The following DACH1 variants were observed in gnomAD, a reference collection of about 807,000 sequenced individuals.
DACH1 encodes dachshund family transcription factor 1.
DACH1 carries 12 observed loss-of-function variants against 54.2 expected under a neutral mutation model. The observed-to-expected ratio is 0.22, with a 90% CI of 0.14 to 0.36. The LOEUF (loss-of-function observed/expected upper bound fraction) is 0.36. Among genes scored for constraint, DACH1 ranks in the 10% least tolerant of loss-of-function variants. DACH1 has a pLI of 1.00. For missense variants in DACH1, 805 were observed against 929.8 expected, an observed-to-expected ratio of 0.87 and a Z score of 1.75; for synonymous variants, 386 against 366.2, an observed-to-expected ratio of 1.05 and a Z score of -0.62.
chr13:71,601,022 G>A lies in DACH1; in HGVS notation c.1127-28010C>T, dbSNP rs184128683. ...CTTTCAATTCAGGTTCCATAATTCC[G>A]GAAAAAAAAATGCCACTTAAATATT... On this transcript the variant is annotated intron_variant, in intron 3 of 10. Transcript: ENST00000613252. 1.1e-4 allele frequency among the ~76,000 whole-genome samples: 17 copies of A among 149,524 alleles called. No individual in the cohort carries two copies. In the East Asian group the frequency reaches 1.8e-3, roughly 16 times the overall value.
chr13:71,572,754 G>A, intron 4 of DACH1, 86 bp downstream of exon 4: 1 of 1,395,998 alleles, frequency 7.2e-7, no homozygotes, highest in Non-Finnish European at 9.7e-7. Flanking sequence ...TTAGAGTTCA[G>A]ATGTACTTAT....
At chr13:71,613,874 G>A (rs886996490) in intron 3 of DACH1, among the ~76,000 whole-genome samples, 1 of 151,374 alleles carries the variant, frequency 6.6e-6, no homozygotes, top group Non-Finnish European at 1.5e-5. Flanking sequence ...ACCATGCCCA[G>A]CTAATTTTTG....
chr13:71,525,858 T>A (rs943263088), intron 6 of DACH1, among the ~76,000 whole-genome samples: 1 of 152,116 alleles, frequency 6.6e-6, no homozygotes, highest in Non-Finnish European at 1.5e-5. Context: ...TTATGAGATA[T>A]CACCATCAAG....
chr13:71,784,870 A>G (rs1886526695), intron 1 of DACH1, among the ~76,000 whole-genome samples: 3 of 152,186 alleles, frequency 2.0e-5, no homozygotes, highest in Admixed American at 1.3e-4. Flanking sequence ...TTGCTGAATT[A>G]TCTAGATCTG....
chr13:71,733,067 TA>T (rs969474755), intron 1 of DACH1, among the ~76,000 whole-genome samples: 7 of 151,096 alleles, frequency 4.6e-5, no homozygotes, highest in African/African-American at 1.2e-4. Flanking sequence ...GCAAGGTCCT[TA>T]AAAAAAAATG....
At chr13:71,648,558 A>G (rs912030042) in intron 2 of DACH1, among the ~76,000 whole-genome samples, 7 of 152,182 alleles carry the variant, frequency 4.6e-5, no homozygotes, top group Non-Finnish European at 1.0e-4. Flanking sequence ...AAGTTTAAAA[A>G]TTGTGAGCAA....
At chr13:71,706,928 C>T (rs909641525) in intron 1 of DACH1, among the ~76,000 whole-genome samples, 25 of 152,236 alleles carry the variant, frequency 1.6e-4, no homozygotes, top group South Asian at 4.1e-4. Flanking sequence ...TATTGATAAA[C>T]TATGATTTTC....
chr13:71,756,748 A>C (rs1885177643), intron 1 of DACH1, among the ~76,000 whole-genome samples: 2 of 152,172 alleles, frequency 1.3e-5, no homozygotes, highest in Admixed American at 1.3e-4. Context: ...TTTAGAAGCA[A>C]AATATATTTA....
At chr13:71,734,884 CGTATATCCCATATACATATAT>C (rs371016793) in intron 1 of DACH1, among the ~76,000 whole-genome samples, 2,625 of 146,094 alleles carry the variant, frequency 0.018, 83 homozygotes, top group African/African-American at 0.053. Context: ...TATACATATA[CGTATATCCCATATACATATAT>C]GTATATCCCA....
At chr13:71,443,855 G>C (rs1363947989) in intron 10 of DACH1, among the ~76,000 whole-genome samples, 1 of 152,054 alleles carries the variant, frequency 6.6e-6, no homozygotes, top group Admixed American at 6.6e-5. Flanking sequence ...TAGTATCAAG[G>C]CCATATAATT....
chr13:71,669,157 T>A (rs1167779559), intron 2 of DACH1, among the ~76,000 whole-genome samples: 1 of 152,132 alleles, frequency 6.6e-6, no homozygotes, highest in Non-Finnish European at 1.5e-5. Context: ...TGTGATCACA[T>A]TAGCTCAGGG....
At chr13:71,559,639 G>A (rs1191848131) in intron 5 of DACH1, among the ~76,000 whole-genome samples, 181 bp downstream of exon 5, 2 of 152,130 alleles carry the variant, frequency 1.3e-5, no homozygotes, top group Admixed American at 1.3e-4. Context: ...ACCTGTTAAT[G>A]TAGTATCATA....
At chr13:71,711,404 G>A (rs1244835599) in intron 1 of DACH1, among the ~76,000 whole-genome samples, 2 of 152,068 alleles carry the variant, frequency 1.3e-5, no homozygotes, top group Non-Finnish European at 1.5e-5. Flanking sequence ...GAATAGTTGA[G>A]GTAAGTCCTG....
intron 1 of DACH1, among the ~76,000 whole-genome samples, chr13:71,765,564 G>A (rs1287151985): frequency 2.6e-5 from 4 of 152,028 alleles, no homozygotes; most frequent in Admixed American, 6.6e-5. Context: ...TTCTTTTCAA[G>A]ATAAAAATCT....
intron 6 of DACH1, among the ~76,000 whole-genome samples, chr13:71,497,262 T>A (rs1053645624): frequency 6.6e-6 from 1 of 152,112 alleles, no homozygotes; most frequent in Admixed American, 6.5e-5. Context: ...ATTTTATAAA[T>A]TTCATTTTGG....
chr13:71,700,601 AG>A (rs1882084286), intron 1 of DACH1, among the ~76,000 whole-genome samples: 1 of 149,534 alleles, frequency 6.7e-6, no homozygotes, highest in Non-Finnish European at 1.5e-5. Flanking sequence ...AGAGAGAGAG[AG>A]AGAGCAAGCT....
chr13:71,562,981 T>C (rs1311328463), intron 4 of DACH1, among the ~76,000 whole-genome samples: 1 of 152,032 alleles, frequency 6.6e-6, no homozygotes, highest in East Asian at 1.9e-4. Flanking sequence ...TATAAATATA[T>C]CAAGAAACAA....
intron 5 of DACH1, among the ~76,000 whole-genome samples, chr13:71,558,251 G>A (rs931536694): frequency 3.3e-5 from 5 of 151,868 alleles, no homozygotes; most frequent in Admixed American, 2.6e-4. Context: ...AAATCAGGAT[G>A]ACAAACACAT....
chr13:71,829,466 T>C (rs1412915679), intron 1 of DACH1, among the ~76,000 whole-genome samples: 1 of 152,000 alleles, frequency 6.6e-6, no homozygotes, highest in Non-Finnish European at 1.5e-5. Context: ...GTACTGGGAA[T>C]AAAAATTCAA....
Sources: gnomAD v4.1 joint callset for allele counts (sites outside exome capture counted in the v4.1 genomes callset) on GRCh38, gnomAD v4.1.1 for gene constraint, MANE v1.5 for transcripts, NCBI Gene and HGNC (gene_info 2026-07-23, HGNC 2026-07-21) for gene names.